The following ZNF774 variants were observed in gnomAD, a reference collection of about 807,000 sequenced individuals.
ZNF774 encodes the protein zinc finger protein 774.
Under a neutral mutation model 11.1 loss-of-function variants are expected in ZNF774, and 14 were observed. The observed-to-expected ratio is 1.26, with a 90% CI of 0.83 to 1.97. ZNF774 has a LOEUF of 1.97. Among genes scored for constraint, ZNF774 ranks in the 30% most tolerant of loss-of-function variants. The pLI is 0.00. For synonymous variants in ZNF774, 195 were observed against 212.6 expected (o/e 0.92, Z 0.72); for missense variants, 599 against 587.0 (o/e 1.02, Z -0.21).
At position 90,360,380 on chromosome 15, in the gene ZNF774, G is replaced by C. The variant is rs1964311104; in HGVS notation, c.549G>C (p.Glu183Asp). The C allele has an allele frequency of 1.9e-6, 3 of 1,613,146 alleles. No homozygotes were observed. In the East Asian group the frequency reaches 6.7e-5, roughly 36 times the overall value. ...GCGAGAGGCCCTATACGTGCATTGA[G>C]TGTGGGAAAGGCTTCAAACAGAGCT... ...HTGERPYTCI[E>D]CGKGFKQSSD... Residue 183 changes from glutamate to aspartate, a missense_variant, in exon 4 of 4, where the codon GAG becomes GAC. Transcript: ENST00000354377.
chr15:90,358,972 C>T lies in ZNF774; in HGVS notation c.211+15C>T, dbSNP rs1964285481. 7 of 1,593,010 alleles carry T rather than the reference C, an allele frequency of 4.4e-6. No individual in the cohort carries two copies. Among genetic ancestry groups the T allele is most frequent in the Non-Finnish European group, 6.0e-6 (7 of 1,161,760 alleles). ...AAGCCACACAGGTGAGATGTGAGTGCTCCCCAGTGGAAGGAAATCTAGCAT... is the reference window on the plus strand; with the variant it reads ...AAGCCACACAGGTGAGATGTGAGTGTTCCCCAGTGGAAGGAAATCTAGCAT... On this transcript the variant is annotated intron_variant, in intron 3 of 3. Transcript: ENST00000354377.
In ZNF774 at chr15:90,360,193, A is replaced by G. The variant is rs548360001; in HGVS notation, c.362A>G (p.His121Arg). 6.8e-6 allele frequency: 11 copies of G among 1,614,206 alleles called. No individual in the cohort carries two copies. The East Asian group carries it at 8.9e-5, about 13-fold the overall frequency. The change falls in exon 4 of 4, where the codon CAT (histidine) becomes CGT (arginine). Residue 121 changes from histidine to arginine, a missense_variant. Coordinates refer to ENST00000354377, the MANE Select transcript of ZNF774 (RefSeq NM_001004309.3). The stretch of plus-strand genomic sequence containing the variant: ...CAAGGCCTAGAATTAGAAGGGCAAC[A>G]TGGAACCCTTCCAGGAGAGGGCCAG... ...WEQGLELEGQHGTLPGEGQLE... is the reference protein window; with the variant it reads ...WEQGLELEGQRGTLPGEGQLE...
In ZNF774 at chr15:90,361,053, T is replaced by A; in HGVS notation, c.1222T>A (p.Cys408Ser). Residue 408 changes from cysteine to serine, a missense_variant, in exon 4 of 4, where the codon TGT becomes AGT. By Grantham distance (112) the Cys-to-Ser change is moderately radical (BLOSUM62 -1). Transcript: ENST00000354377. Reference sequence around the variant, plus strand: ...AGAAAGACCCTACAAATGTGGAGAGTGTGGGAAGAGCTTCAATCAGAGCTC... The same window carrying A: ...AGAAAGACCCTACAAATGTGGAGAGAGTGGGAAGAGCTTCAATCAGAGCTC... ...TGERPYKCGE[C>S]GKSFNQSSHF... The A allele has an allele frequency of 3.7e-6, 6 of 1,613,888 alleles. No homozygotes were observed. Among genetic ancestry groups the A allele is most frequent in the Non-Finnish European group, 5.1e-6 (6 of 1,179,960 alleles).
At chr15:90,359,286 A>C (rs1964291621) in intron 3 of ZNF774, among the ~76,000 whole-genome samples, 1 of 150,138 alleles carries the variant, frequency 6.7e-6, no homozygotes. Flanking sequence ...GTTAGCCAGG[A>C]TGGTCTCGAT....
rs1288077911 is a variant in ZNF774, at chr15:90,362,410, AAATTGCTGAG to A, written c.*1131_*1140del. The A allele has an allele frequency of 1.2e-6, 1 of 807,320 alleles. No homozygotes were observed. The highest frequency in any genetic ancestry group is 2.0e-6 in the Non-Finnish European group (1 of 504,894). 50.0% of individuals were successfully genotyped at this position (807,320 alleles called of 1,614,324 possible). A position where few individuals can be genotyped will look rare whatever the true frequency, so the allele number is the denominator to read the frequency against. ...AGAGGACTATAAAATTGTGGAAGCA[AAATTGCTGAG>A]AATGTCAAATGATATTACAGGGATC... On this transcript the variant is annotated 3_prime_UTR_variant, in exon 4 of 4. Coordinates refer to ENST00000354377, the MANE Select transcript of ZNF774 (RefSeq NM_001004309.3).
rs770021129 is a variant in ZNF774, at chr15:90,360,539, G to A, written c.708G>A (p.Glu236=). 1 of 1,613,976 alleles carries A rather than the reference G, an allele frequency of 6.2e-7. No individual in the cohort carries two copies. Among genetic ancestry groups the A allele is most frequent in the Admixed American group, 1.7e-5 (1 of 59,990 alleles). Residue 236 remains glutamate, a synonymous_variant, in exon 4 of 4, where the codon GAG becomes GAA. Transcript: ENST00000354377. ...QRTHTGERPY[E]CPECGKTFGR... ...CCCACACAGGGGAGAGACCCTATGA[G>A]TGCCCAGAGTGTGGAAAGACTTTTG... is the stretch of plus-strand genomic sequence containing the variant.
intron 2 of ZNF774, among the ~76,000 whole-genome samples, chr15:90,356,939 G>A (rs541228494): frequency 6.6e-6 from 1 of 151,824 alleles, no homozygotes; most frequent in African/African-American, 2.4e-5. Flanking sequence ...TTTGTTGTGG[G>A]ACATTTAGGT....
At chr15:90,357,478 G>C (rs757171850) in intron 2 of ZNF774, among the ~76,000 whole-genome samples, 1 of 152,202 alleles carries the variant, frequency 6.6e-6, no homozygotes, top group Non-Finnish European at 1.5e-5. Flanking sequence ...TCTCCAGCCT[G>C]GGTGACAGAG....
chr15:90,360,027 T>C lies in ZNF774; in HGVS notation c.212-16T>C. The C allele has an allele frequency of 6.3e-7, 1 of 1,583,144 alleles. No homozygotes were observed. The highest frequency in any genetic ancestry group is 8.6e-7 in the Non-Finnish European group (1 of 1,165,306). On this transcript the variant is annotated splice_polypyrimidine_tract_variant and intron_variant, in intron 3 of 3. Transcript: ENST00000354377. ...ACTGATAACTTTATTCTCTGTTACT[T>C]ACATTAATTTTTCAGACTGTGAGCA... is the stretch of plus-strand genomic sequence containing the variant.
chr15:90,362,628 A>T lies in ZNF774; in HGVS notation c.*1345A>T. On this transcript the variant is annotated 3_prime_UTR_variant, in exon 4 of 4. Transcript: ENST00000354377. Reference sequence around the variant, plus strand: ...GGCAAGTGTGTTGGAAAGAACACCGACTTCATTGAGAAGGTAAAGTATTTG... The same window carrying T: ...GGCAAGTGTGTTGGAAAGAACACCGTCTTCATTGAGAAGGTAAAGTATTTG... 1 of 1,502,766 alleles carries T rather than the reference A, an allele frequency of 6.7e-7. No homozygotes were observed. The highest frequency in any genetic ancestry group is 9.0e-7 in the Non-Finnish European group (1 of 1,116,560). The allele number at this position is 1,502,766 out of a possible 1,614,324, so 93.1% of individuals were successfully genotyped here.
chr15:90,355,498 G>A, intron 2 of ZNF774: 1 of 454,376 alleles, frequency 2.2e-6, no homozygotes. Context: ...GCTGAGGTGG[G>A]CGGATCATAA....
At chr15:90,355,301 A>C in intron 2 of ZNF774, 1 of 456,026 alleles carries the variant, frequency 2.2e-6, no homozygotes, top group Non-Finnish European at 4.4e-6. Flanking sequence ...TGTCCTTTTA[A>C]TATCTCATCA....
chr15:90,361,180 A>G lies in ZNF774; in HGVS notation c.1349A>G (p.Gln450Arg). 3.1e-6 allele frequency: 5 copies of G among 1,614,198 alleles called. No individual in the cohort carries two copies. Among genetic ancestry groups the G allele is most frequent in the Non-Finnish European group, 4.2e-6 (5 of 1,180,032 alleles). ...FNQRSHFLTHQRTHTGEKPFH... is the reference protein window; with the variant it reads ...FNQRSHFLTHRRTHTGEKPFH... ...CAGCGTTCCCATTTCCTCACACACC[A>G]GAGAACGCATACAGGAGAAAAACCT... The change falls in exon 4 of 4, where the codon CAG (glutamine) becomes CGG (arginine). Residue 450 changes from glutamine to arginine, a missense_variant. Coordinates refer to ENST00000354377, the MANE Select transcript of ZNF774 (RefSeq NM_001004309.3).
chr15:90,360,045 T>G lies in ZNF774; in HGVS notation c.214T>G (p.Cys72Gly), dbSNP rs1964303745. The G allele has an allele frequency of 6.3e-7, 1 of 1,597,670 alleles. No homozygotes were observed. Among genetic ancestry groups the G allele is most frequent in the African/African-American group, 1.3e-5 (1 of 74,148 alleles). ...TGTTACTTACATTAATTTTTCAGAC[T>G]GTGAGCATCAGGTGGCAAAGCTCAA... is the stretch of plus-strand genomic sequence containing the variant. The part of the protein sequence containing the change: ...RKIPRESHTD[C>G]EHQVAKLNQD... Residue 72 changes from cysteine (C) to glycine (G), a missense_variant and splice_region_variant, in exon 4 of 4, where the codon TGT becomes GGT. By Grantham distance (159) the Cys-to-Gly change is radical. Transcript: ENST00000354377.
intron 2 of ZNF774, among the ~76,000 whole-genome samples, chr15:90,355,785 C>G (rs960121475): frequency 4.7e-5 from 7 of 147,476 alleles, no homozygotes; most frequent in Non-Finnish European, 8.9e-5. Context: ...AATCCCAGCA[C>G]TTTGGGAGGC....
At position 90,361,272 on chromosome 15, in the gene ZNF774, C is replaced by G. The variant is rs750006056; in HGVS notation, c.1441C>G (p.His481Asp). 1 of 1,600,434 alleles carries G rather than the reference C, an allele frequency of 6.2e-7. No homozygotes were observed. Among genetic ancestry groups the G allele is most frequent in the Non-Finnish European group, 8.5e-7 (1 of 1,172,328 alleles). The part of the protein sequence containing the change: ...KAHLLCHQNT[H>D]LI ...GCATCTTTTATGCCATCAAAACACC[C>G]ATTTGATTTAGGAAGTAGTCTTTGG... The change falls in exon 4 of 4, where the codon CAT becomes GAT. Residue 481 changes from histidine to aspartate, a missense_variant. Transcript: ENST00000354377.
At chr15:90,355,534 C>A (rs940373703) in intron 2 of ZNF774, 5 of 423,324 alleles carry the variant, frequency 1.2e-5, no homozygotes, top group Non-Finnish European at 2.4e-5. Context: ...ACCAGCCTGG[C>A]CAACATGATG....
At chr15:90,359,706 C>G (rs748695845) in intron 3 of ZNF774, among the ~76,000 whole-genome samples, 1 of 152,146 alleles carries the variant, frequency 6.6e-6, no homozygotes, top group Non-Finnish European at 1.5e-5. Flanking sequence ...CTGCCTGCCT[C>G]GGCCTCCCGA....
Position 90,362,680 on chromosome 15 carries a change from C to A in ZNF774, c.*1397C>A. ...GTCCTGGCCCTGACGCTTAATTTGGCCAGACTTTCATCTTCTCCCAGCCTC... is the reference window on the plus strand; with the variant it reads ...GTCCTGGCCCTGACGCTTAATTTGGACAGACTTTCATCTTCTCCCAGCCTC... On this transcript the variant is annotated 3_prime_UTR_variant, in exon 4 of 4. Transcript: ENST00000354377. 1 of 1,200,168 alleles carries A rather than the reference C, an allele frequency of 8.3e-7. No individual in the cohort carries two copies. The highest frequency in any genetic ancestry group is 1.9e-4 in the Middle Eastern group (1 of 5,212). 74.3% of individuals were successfully genotyped at this position (1,200,168 alleles called of 1,614,324 possible). A position where few individuals can be genotyped will look rare whatever the true frequency, so the allele number is the denominator to read the frequency against.
Sources: gnomAD v4.1 joint callset for allele counts (sites outside exome capture counted in the v4.1 genomes callset) on GRCh38, gnomAD v4.1.1 for gene constraint, MANE v1.5 for transcripts, NCBI Gene and HGNC (gene_info 2026-07-23, HGNC 2026-07-21) for gene names.